Variants in CDK14 observed in about 807,000 individuals in gnomAD.
The protein encoded by CDK14 is cyclin dependent kinase 14.
In CDK14, 34 loss-of-function variants were observed where a neutral mutation model predicts 60.7. That is an observed-to-expected ratio of 0.56 (90% CI 0.43 to 0.75). The LOEUF is 0.75. Among genes scored for constraint, CDK14 ranks in the 30% least tolerant of loss-of-function variants. The pLI is 0.00. For synonymous variants in CDK14, 197 were observed against 203.7 expected, an observed-to-expected ratio of 0.97 and a Z score of 0.28; for missense variants, 482 against 564.1, an observed-to-expected ratio of 0.85 and a Z score of 1.47.
At chr7:90,643,564 G>A (rs1424456970) in intron 2 of CDK14, among the ~76,000 whole-genome samples, 2 of 152,126 alleles carry the variant, frequency 1.3e-5, no homozygotes, top group African/African-American at 2.4e-5. Flanking sequence ...TGGTTTTCCC[G>A]CTAAGTATGA....
intron 14 of CDK14, among the ~76,000 whole-genome samples, chr7:91,201,450 G>A (rs1173239971): frequency 6.6e-6 from 1 of 151,914 alleles, no homozygotes; most frequent in South Asian, 2.1e-4. Context: ...CTTCTCTCCA[G>A]TGAGGCTTAG....
intron 14 of CDK14, among the ~76,000 whole-genome samples, chr7:91,203,339 CA>C (rs1802786773): frequency 2.6e-5 from 4 of 152,284 alleles, no homozygotes. Context: ...CCCCTTTATT[CA>C]TTCAACAACT....
intron 2 of CDK14, among the ~76,000 whole-genome samples, chr7:90,658,683 T>C (rs1800802421): frequency 6.6e-6 from 1 of 152,216 alleles, no homozygotes; most frequent in Non-Finnish European, 1.5e-5. Context: ...AGGACACATT[T>C]TGTTTATTCA....
At chr7:90,939,241 C>T (rs1018784658) in intron 8 of CDK14, among the ~76,000 whole-genome samples, 2 of 152,164 alleles carry the variant, frequency 1.3e-5, no homozygotes, top group African/African-American at 4.8e-5. Flanking sequence ...GTTATTTGGA[C>T]TGACAAGATG....
intron 2 of CDK14, among the ~76,000 whole-genome samples, chr7:90,708,806 CTTTT>C (rs959549473): frequency 5.3e-5 from 8 of 152,174 alleles, no homozygotes; most frequent in African/African-American, 1.9e-4. Flanking sequence ...GATTTCATGC[CTTTT>C]TTATTTCTTG....
chr7:90,844,724 T>C (rs1790407941), intron 5 of CDK14, among the ~76,000 whole-genome samples: 1 of 152,206 alleles, frequency 6.6e-6, no homozygotes, highest in South Asian at 2.1e-4. Context: ...TTTTAAATCG[T>C]ATTGGAAAGT....
chr7:91,154,580 T>C (rs186629837), intron 14 of CDK14, among the ~76,000 whole-genome samples: 28 of 152,302 alleles, frequency 1.8e-4, no homozygotes, highest in Non-Finnish European at 3.8e-4. Context: ...AGAGAAATTC[T>C]GTGAGAAGCA....
intron 9 of CDK14, among the ~76,000 whole-genome samples, chr7:90,961,846 G>T (rs1314878442): frequency 6.6e-6 from 1 of 152,172 alleles, no homozygotes. Context: ...TATTATACCA[G>T]GACACCATTG....
chr7:90,710,505 C>T (rs1802020150), intron 2 of CDK14: 1 of 985,126 alleles, frequency 1.0e-6, no homozygotes, highest in African/African-American at 1.7e-5. Context: ...CATCCTATTT[C>T]CTTCCTTTTT....
intron 10 of CDK14, among the ~76,000 whole-genome samples, chr7:90,998,009 T>G (rs1016578762): frequency 5.3e-5 from 8 of 152,238 alleles, no homozygotes; most frequent in African/African-American, 1.9e-4. Context: ...TTTCAATTCC[T>G]TATTAATTTT....
At chr7:91,035,628 T>C (rs1260637295) in intron 10 of CDK14, among the ~76,000 whole-genome samples, 1 of 139,424 alleles carries the variant, frequency 7.2e-6, no homozygotes, top group Admixed American at 7.9e-5. Context: ...TTTTGTCCCT[T>C]GTCACATGTA....
intron 5 of CDK14, among the ~76,000 whole-genome samples, chr7:90,825,916 C>G (rs967497723): frequency 1.3e-5 from 2 of 152,094 alleles, no homozygotes; most frequent in Non-Finnish European, 2.9e-5. Context: ...CTCTGTTAGT[C>G]AAAATTTCTA....
intron 2 of CDK14, among the ~76,000 whole-genome samples, chr7:90,696,028 G>T (rs1410990767): frequency 3.9e-5 from 6 of 152,298 alleles, no homozygotes; most frequent in South Asian, 4.1e-4. Flanking sequence ...GCTGCAGAAA[G>T]ACCAGTTAGG....
At chr7:90,764,374 G>C (rs2040521) in intron 4 of CDK14, among the ~76,000 whole-genome samples, 97,508 of 152,036 alleles carry the variant, frequency 0.64, 31,724 homozygotes, top group East Asian at 0.96. Context: ...AATTAACAAG[G>C]TGGGGTTTGG....
chr7:91,039,106 A>G lies in CDK14; in HGVS notation c.1042-6791A>G, dbSNP rs867891808. 1.8e-4 allele frequency among the ~76,000 whole-genome samples: 27 copies of G among 152,086 alleles called. No homozygotes were observed. In the South Asian group the frequency reaches 2.7e-3, roughly 15 times the overall value. ...TGTCTGGAGTGTCCTTCTCCTACTCATTTGCTTGACAAGCGCCCAGTCACT... is the reference window on the plus strand; with the variant it reads ...TGTCTGGAGTGTCCTTCTCCTACTCGTTTGCTTGACAAGCGCCCAGTCACT... On this transcript the variant is annotated intron_variant, in intron 10 of 14. Transcript: ENST00000380050.
At chr7:90,879,779 T>TA (rs61468348) in intron 6 of CDK14, among the ~76,000 whole-genome samples, 70 of 143,800 alleles carry the variant, frequency 4.9e-4, no homozygotes, top group Middle Eastern at 3.5e-3. Context: ...GCTGCTATTG[T>TA]AAAAAAAAAA....
chr7:91,138,301 G>A (rs1414454648), intron 14 of CDK14, among the ~76,000 whole-genome samples: 6 of 152,010 alleles, frequency 3.9e-5, no homozygotes, highest in African/African-American at 7.2e-5. Flanking sequence ...TTGTGATTTC[G>A]TGTGGAAGTA....
intron 3 of CDK14, among the ~76,000 whole-genome samples, chr7:90,728,769 C>G (rs1802736467): frequency 6.6e-6 from 1 of 152,024 alleles, no homozygotes; most frequent in Non-Finnish European, 1.5e-5. Context: ...GAGTAATGTA[C>G]TCAGAAGTTG....
chr7:90,912,102 G>A (rs140819419), intron 7 of CDK14, among the ~76,000 whole-genome samples: 4 of 152,118 alleles, frequency 2.6e-5, no homozygotes, highest in South Asian at 2.1e-4. Context: ...TCAGTGATCC[G>A]ACTGATGGAT....
Sources: gnomAD v4.1 joint callset for allele counts (sites outside exome capture counted in the v4.1 genomes callset) on GRCh38, gnomAD v4.1.1 for gene constraint, MANE v1.5 for transcripts, NCBI Gene and HGNC (gene_info 2026-07-23, HGNC 2026-07-21) for gene names.